TSPAN14: variants seen among roughly 807,000 people sequenced by gnomAD.
The protein encoded by TSPAN14 is tetraspanin-14.
TSPAN14 carries 16 observed loss-of-function variants against 36.6 expected under a neutral mutation model. The observed-to-expected ratio is 0.44, with a 90% CI of 0.30 to 0.66. The LOEUF is 0.66. TSPAN14 is among the 30% of genes least tolerant of loss of function. The pLI, the probability that TSPAN14 is intolerant of heterozygous loss-of-function variation, is 0.12. For synonymous variants in TSPAN14, 139 were observed against 143.8 expected (o/e 0.97, Z 0.24); for missense variants, 231 against 355.1 (o/e 0.65, Z 2.81).
chr10:80,501,105 G>GTTTTT (rs10713598), intron 2 of TSPAN14, among the ~76,000 whole-genome samples: 1 of 140,004 alleles, frequency 7.1e-6, no homozygotes, highest in Non-Finnish European at 1.6e-5. Flanking sequence ...AACTGACGCT[G>GTTTTT]TTTTTTTTTT....
chr10:80,484,198 G>A (rs1222074523), intron 1 of TSPAN14, among the ~76,000 whole-genome samples: 1 of 151,344 alleles, frequency 6.6e-6, no homozygotes, highest in Non-Finnish European at 1.5e-5. Context: ...TGAGCTGAGT[G>A]CGCCACTGCA....
intron 1 of TSPAN14, among the ~76,000 whole-genome samples, chr10:80,470,334 C>T (rs1846475360): frequency 6.6e-6 from 1 of 152,224 alleles, no homozygotes; most frequent in South Asian, 2.1e-4. Flanking sequence ...ATCCACCTGC[C>T]TCCCAAAGTG....
chr10:80,512,125 C>G lies in TSPAN14; in HGVS notation c.451-19C>G. On this transcript the variant is annotated intron_variant, in intron 5 of 8. Coordinates refer to ENST00000429989, the Ensembl canonical transcript of TSPAN14. The stretch of plus-strand genomic sequence containing the variant: ...CCCTGTCTTGGAGCCCCTAACAGTT[C>G]TGGCTTTTGTGGTTGCAGAACCAGT... 6.2e-7 allele frequency: 1 copy of G among 1,614,048 alleles called. No homozygotes were observed. The highest frequency in any genetic ancestry group is 8.5e-7 in the Non-Finnish European group (1 of 1,179,940).
chr10:80,484,437 G>A (rs1185481882), intron 1 of TSPAN14, among the ~76,000 whole-genome samples: 1 of 151,950 alleles, frequency 6.6e-6, no homozygotes, highest in Non-Finnish European at 1.5e-5. Flanking sequence ...CGATTATCCC[G>A]CCTCAGCCTC....
chr10:80,505,307 A>G (rs564086870), intron 3 of TSPAN14, among the ~76,000 whole-genome samples: 1 of 152,224 alleles, frequency 6.6e-6, no homozygotes, highest in African/African-American at 2.4e-5. Context: ...CGGGAAGGAC[A>G]TGGTGCAGTT....
At chr10:80,490,758 C>G (rs570949947) in intron 2 of TSPAN14, among the ~76,000 whole-genome samples, 18 of 152,130 alleles carry the variant, frequency 1.2e-4, no homozygotes, top group Non-Finnish European at 2.9e-5. Flanking sequence ...AATTTGGACA[C>G]TGGCTGGAGA....
At chr10:80,485,227 T>C (rs528022065) in intron 1 of TSPAN14, among the ~76,000 whole-genome samples, 1 of 152,146 alleles carries the variant, frequency 6.6e-6, no homozygotes, top group Admixed American at 6.5e-5. Flanking sequence ...TAAAGAGTGT[T>C]GGTGTTCTTT....
rs995055334 is a variant in TSPAN14 at position 80,510,853 on chromosome 10, A to G, written c.451-1291A>G. ...CACGCCACTGCAGTCCAGCCTGGTCAACAGAGCAAGACTCCGTCTCAAAAA... is the reference window on the plus strand; with the variant it reads ...CACGCCACTGCAGTCCAGCCTGGTCGACAGAGCAAGACTCCGTCTCAAAAA... On this transcript the variant is annotated intron_variant, in intron 5 of 8. Transcript: ENST00000429989. 1.5e-4 allele frequency among the ~76,000 whole-genome samples: 23 copies of G among 152,332 alleles called. No homozygotes were observed. The East Asian group carries it at 2.1e-3, about 14-fold the overall frequency.
At chr10:80,474,339 G>T (rs1344966068) in intron 1 of TSPAN14, among the ~76,000 whole-genome samples, 1 of 151,996 alleles carries the variant, frequency 6.6e-6, no homozygotes, top group Non-Finnish European at 1.5e-5. Flanking sequence ...ATTGTCACTT[G>T]GGTCCTTAGG....
At chr10:80,504,620 G>A in intron 2 of TSPAN14, 108 bp from the exon 3 acceptor site, 2 of 1,338,886 alleles carry the variant, frequency 1.5e-6, no homozygotes, top group South Asian at 1.2e-5. Flanking sequence ...TGTGGGATGT[G>A]AGCTAGGAGC....
chr10:80,455,106 T>C (rs1262767022), intron 1 of TSPAN14, among the ~76,000 whole-genome samples: 2 of 152,158 alleles, frequency 1.3e-5, no homozygotes, highest in Non-Finnish European at 2.9e-5. Flanking sequence ...GGGCCGCTGC[T>C]GCTTCTCCTC....
intron 1 of TSPAN14, among the ~76,000 whole-genome samples, chr10:80,464,185 G>A (rs1018298405): frequency 6.6e-6 from 1 of 152,290 alleles, no homozygotes; most frequent in East Asian, 1.9e-4. Context: ...AGATTTTCCC[G>A]CAGTGTCAGG....
chr10:80,485,523 C>T (rs894847416), intron 1 of TSPAN14: 1 of 558,342 alleles, frequency 1.8e-6, no homozygotes, highest in Non-Finnish European at 2.3e-6. Flanking sequence ...TACCCCTCCA[C>T]AGTCAGAAGG....
chr10:80,479,337 T>G (rs1433436905), intron 1 of TSPAN14, among the ~76,000 whole-genome samples: 1 of 151,594 alleles, frequency 6.6e-6, no homozygotes, highest in Admixed American at 6.6e-5. Flanking sequence ...TTGCCATTGC[T>G]TTTGGTGTTT....
chr10:80,488,530 G>C (rs996200837), intron 1 of TSPAN14, among the ~76,000 whole-genome samples: 1 of 151,734 alleles, frequency 6.6e-6, no homozygotes, highest in African/African-American at 2.4e-5. Flanking sequence ...GAGGTGGAGT[G>C]GGGGGCGAGT....
intron 1 of TSPAN14, among the ~76,000 whole-genome samples, chr10:80,472,717 GTTTA>G (rs572318986): frequency 6.0e-4 from 91 of 152,070 alleles, no homozygotes; most frequent in Middle Eastern, 3.4e-3. Context: ...CTTCTTTCCT[GTTTA>G]TTTATCTCTG....
intron 4 of TSPAN14, among the ~76,000 whole-genome samples, chr10:80,508,123 T>TC (rs1589295271): frequency 2.0e-5 from 3 of 147,768 alleles, no homozygotes; most frequent in South Asian, 4.2e-4. Flanking sequence ...TCTTTTCTTT[T>TC]TTTTTTTTTT....
chr10:80,481,218 G>A (rs866333454), intron 1 of TSPAN14, among the ~76,000 whole-genome samples: 1 of 152,202 alleles, frequency 6.6e-6, no homozygotes, highest in Middle Eastern at 3.4e-3. Flanking sequence ...TCTTCTTTAG[G>A]GTGTATCCCA....
chr10:80,474,136 G>A (rs139569088), intron 1 of TSPAN14, among the ~76,000 whole-genome samples: 62 of 152,228 alleles, frequency 4.1e-4, no homozygotes, highest in African/African-American at 1.3e-3. Flanking sequence ...CAGAAACTCC[G>A]CCTTCCTTGG....
Sources: gnomAD v4.1 joint callset for allele counts (sites outside exome capture counted in the v4.1 genomes callset) on GRCh38, gnomAD v4.1.1 for gene constraint, MANE v1.5 for transcripts, NCBI Gene and HGNC (gene_info 2026-07-23, HGNC 2026-07-21) for gene names.